CACNA1C: variants seen among roughly 807,000 people sequenced by gnomAD.
CACNA1C encodes the protein calcium voltage-gated channel subunit alpha1 C.
Under a neutral mutation model 229.0 loss-of-function variants are expected in CACNA1C, and 30 were observed. The ratio of observed to expected loss-of-function variants is 0.13; its 90% CI spans 0.10 to 0.18. The LOEUF is 0.18. Among genes scored for constraint, CACNA1C ranks in the 10% least tolerant of loss-of-function variants. The pLI, the probability that CACNA1C is intolerant of heterozygous loss-of-function variation, is 1.00. For missense variants in CACNA1C, 1,658 were observed against 2,845.0 expected (o/e 0.58, Z 9.49); for synonymous variants, 1,114 against 1,132.5 (o/e 0.98, Z 0.33).
chr12:2,680,340 G>T, intron 42 of CACNA1C: 1 of 1,502,554 alleles, frequency 6.7e-7, no homozygotes, highest in Non-Finnish European at 9.0e-7. Context: ...TTTTCTCCTT[G>T]TCCTCTCATC....
intron 3 of CACNA1C, among the ~76,000 whole-genome samples, chr12:2,314,656 A>C (rs116540926): frequency 0.01 from 1,539 of 152,294 alleles, 25 homozygotes; most frequent in African/African-American, 0.035. Flanking sequence ...CCATGCCTGT[A>C]GTTTTAAAGT....
intron 1 of CACNA1C, among the ~76,000 whole-genome samples, chr12:2,044,456 C>T (rs2050732081): frequency 1.3e-5 from 2 of 152,112 alleles, no homozygotes; most frequent in African/African-American, 2.4e-5. Flanking sequence ...TCTAGCAGGG[C>T]GGTGGTGATT....
At chr12:2,132,240 T>C (rs2092403673) in intron 3 of CACNA1C, among the ~76,000 whole-genome samples, 1 of 141,964 alleles carries the variant, frequency 7.0e-6, no homozygotes, top group African/African-American at 2.6e-5. Flanking sequence ...TACAATCATG[T>C]CATCTGCAAA....
chr12:2,140,953 T>A (rs1234371664), intron 3 of CACNA1C, among the ~76,000 whole-genome samples: 1 of 150,800 alleles, frequency 6.6e-6, no homozygotes, highest in Non-Finnish European at 1.5e-5. Flanking sequence ...AGATGGAGAG[T>A]TCCAGGGTAA....
intron 3 of CACNA1C, among the ~76,000 whole-genome samples, chr12:2,407,196 G>A (rs1247714946): frequency 3.3e-5 from 5 of 152,216 alleles, no homozygotes; most frequent in South Asian, 2.1e-4. Flanking sequence ...ACACCACTTC[G>A]GCAGGGAAAG....
chr12:2,123,497 T>C (rs2088072454), intron 3 of CACNA1C, among the ~76,000 whole-genome samples: 1 of 150,492 alleles, frequency 6.6e-6, no homozygotes, highest in African/African-American at 2.5e-5. Flanking sequence ...TAGGGAAGAG[T>C]AGGGCGGGCA....
At chr12:2,397,327 G>A (rs565544537) in intron 3 of CACNA1C, among the ~76,000 whole-genome samples, 4 of 152,196 alleles carry the variant, frequency 2.6e-5, no homozygotes, top group African/African-American at 7.2e-5. Context: ...TAGAATGGGG[G>A]CTAGATCATT....
intron 7 of CACNA1C, among the ~76,000 whole-genome samples, chr12:2,501,233 A>AAAAAAC (rs2099759416): frequency 6.7e-6 from 1 of 149,000 alleles, no homozygotes; most frequent in African/African-American, 2.5e-5. Flanking sequence ...AAAAAAAAAA[A>AAAAAAC]AGTAAAGCAA....
At chr12:2,267,840 C>A (rs1457485414) in intron 3 of CACNA1C, among the ~76,000 whole-genome samples, 3 of 152,108 alleles carry the variant, frequency 2.0e-5, no homozygotes, top group African/African-American at 2.4e-5. Flanking sequence ...GGGTATTCCC[C>A]CTGGTGATAC....
intron 3 of CACNA1C, among the ~76,000 whole-genome samples, chr12:2,394,672 A>G (rs2098541703): frequency 6.6e-6 from 1 of 152,182 alleles, no homozygotes; most frequent in South Asian, 2.1e-4. Context: ...AATGGCATCA[A>G]GTAGGAAGGG....
intron 5 of CACNA1C, among the ~76,000 whole-genome samples, chr12:2,464,033 C>T (rs2099533717): frequency 6.6e-6 from 1 of 151,964 alleles, no homozygotes; most frequent in Non-Finnish European, 1.5e-5. Flanking sequence ...GGGGTCGTTT[C>T]CTGCTTTCCA....
chr12:2,009,191 A>G (rs1366371394), intron 1 of CACNA1C, among the ~76,000 whole-genome samples: 1 of 152,230 alleles, frequency 6.6e-6, no homozygotes, highest in Non-Finnish European at 1.5e-5. Context: ...ATATGCTCAC[A>G]CTTGGTTTTA....
intron 3 of CACNA1C, 107 bp downstream of exon 3, chr12:2,120,537 T>C (rs1046680327): frequency 2.1e-5 from 16 of 770,936 alleles, no homozygotes; most frequent in African/African-American, 1.9e-4. Context: ...GTGTTTGGCA[T>C]GTGCAGGAGC....
intron 18 of CACNA1C, among the ~76,000 whole-genome samples, chr12:2,589,592 G>A (rs564537980): frequency 2.0e-5 from 3 of 152,344 alleles, no homozygotes; most frequent in African/African-American, 7.2e-5. Flanking sequence ...GAAGGCGCAG[G>A]GCCATGCGGG....
At chr12:2,540,659 C>T (rs2154590931) in intron 9 of CACNA1C, among the ~76,000 whole-genome samples, 1 of 152,292 alleles carries the variant, frequency 6.6e-6, no homozygotes, top group South Asian at 2.1e-4. Context: ...TCGCTGACCC[C>T]TGGAATACGT....
intron 9 of CACNA1C, among the ~76,000 whole-genome samples, chr12:2,517,559 G>A (rs898051881): frequency 2.0e-5 from 3 of 152,244 alleles, no homozygotes; most frequent in Non-Finnish European, 4.4e-5. Context: ...CCTGGATGTG[G>A]CTTCCTAAGT....
At chr12:2,068,349 G>C (rs530285716) in intron 1 of CACNA1C, among the ~76,000 whole-genome samples, 5 of 152,316 alleles carry the variant, frequency 3.3e-5, no homozygotes, top group Admixed American at 3.3e-4. Flanking sequence ...TGGTGTGGGG[G>C]AGGGTTGTGA....
At chr12:2,107,635 G>T (rs2079661819) in intron 1 of CACNA1C, among the ~76,000 whole-genome samples, 1 of 152,260 alleles carries the variant, frequency 6.6e-6, no homozygotes, top group Non-Finnish European at 1.5e-5. Context: ...TCTCATTTAT[G>T]TGATGAAAAT....
intron 1 of CACNA1C, among the ~76,000 whole-genome samples, chr12:2,031,649 T>G (rs901882567): frequency 6.6e-6 from 1 of 152,200 alleles, no homozygotes; most frequent in African/African-American, 2.4e-5. Flanking sequence ...AGGTTCTGAA[T>G]GTAAAATAAA....
Sources: gnomAD v4.1 joint callset for allele counts (sites outside exome capture counted in the v4.1 genomes callset) on GRCh38, gnomAD v4.1.1 for gene constraint, MANE v1.5 for transcripts, NCBI Gene and HGNC (gene_info 2026-07-23, HGNC 2026-07-21) for gene names.